Variants in MIDN observed in about 807,000 individuals in gnomAD.
MIDN encodes midbrain nucleolar protein.
MIDN carries 26 observed loss-of-function variants against 46.1 expected under a neutral mutation model. The ratio of observed to expected loss-of-function variants is 0.56; its 90% CI spans 0.41 to 0.78. The LOEUF (loss-of-function observed/expected upper bound fraction) is 0.78, where lower values mean the gene tolerates loss of function less well. Among genes scored for constraint, MIDN ranks in the 30% least tolerant of loss-of-function variants. The probability of loss-of-function intolerance (pLI) is 0.00; values close to 1 mark genes in which losing one functional copy is unlikely to be tolerated. For missense variants in MIDN, 850 were observed against 771.8 expected, an observed-to-expected ratio of 1.10 and a Z score of -1.20; for synonymous variants, 432 against 343.3, an observed-to-expected ratio of 1.26 and a Z score of -2.86.
Position 1,254,354 on chromosome 19 carries a change from C to T in MIDN, c.701C>T (p.Pro234Leu). The T allele has an allele frequency of 2.6e-6, 4 of 1,563,120 alleles. No individual in the cohort carries two copies. Among genetic ancestry groups the T allele is most frequent in the Non-Finnish European group, 3.4e-6 (4 of 1,161,356 alleles). Residue 234 changes from proline (P) to leucine (L), a missense_variant, in exon 6 of 9, where the codon CCC becomes CTC. Transcript: ENST00000682408. ...AGCATAGCCTCCCCCGTGTCCTCGC[C>T]CTGCCGGCCGGTGTCCAGTGCCGCC... ...DPSIASPVSS[P>L]CRPVSSAARV...
At position 1,253,423 on chromosome 19, in the gene MIDN, C is replaced by CA. The variant is rs989706389; in HGVS notation, c.385-531_385-530insA. On this transcript the variant is annotated intron_variant, in intron 4 of 8. Coordinates refer to ENST00000682408, the MANE Select transcript of MIDN (RefSeq NM_001388306.1). ...GTCACTTCTCAGAAACCTCCGCCACCCCCCCCCCCATCCCGGCCACTGGGG... is the reference window on the plus strand; with the variant it reads ...GTCACTTCTCAGAAACCTCCGCCACCACCCCCCCCCATCCCGGCCACTGGGG... Among the ~76,000 whole-genome samples, 5 of 36,248 alleles carry CA rather than the reference C, an allele frequency of 1.4e-4. No homozygotes were observed. In the African/African-American group the frequency reaches 1.5e-3, roughly 11 times the overall value. The allele number at this position is 36,248 out of a possible 152,430, so 23.8% of individuals were successfully genotyped here.
chr19:1,250,922 C>T (rs558557750), intron 2 of MIDN, among the ~76,000 whole-genome samples: 4 of 151,892 alleles, frequency 2.6e-5, no homozygotes, highest in Admixed American at 6.5e-5. Flanking sequence ...TCTCTCCCCC[C>T]CTTTGTTCTC....
rs1206258054 is a variant in MIDN, at chr19:1,251,895, G to A, written c.378G>A (p.Glu126=). The A allele has an allele frequency of 5.0e-6, 8 of 1,613,052 alleles. No individual in the cohort carries two copies. Among genetic ancestry groups the A allele is most frequent in the Admixed American group, 1.7e-5 (1 of 59,962 alleles). ...SVMQALESLT[E]TQPPAAPGPG... ...TGCAAGCTCTCGAGAGTCTCACGGA[G>A]ACGCAGGTAAGACCTCGCCAGCCCC... Residue 126 remains glutamate (E), a synonymous_variant, in exon 4 of 9, where the codon GAG becomes GAA. Transcript: ENST00000682408.
At chr19:1,252,032 G>C in intron 4 of MIDN, 131 bp downstream of exon 4, 1 of 749,664 alleles carries the variant, frequency 1.3e-6, no homozygotes, top group Non-Finnish European at 2.2e-6. Context: ...ACCCCGCCTG[G>C]GTGCCAGCCT....
chr19:1,257,314 A>G lies in MIDN; in HGVS notation c.*42A>G. On this transcript the variant is annotated 3_prime_UTR_variant, in exon 9 of 9. Coordinates refer to ENST00000682408, the MANE Select transcript of MIDN (RefSeq NM_001388306.1). ...ACCCTCGCCCCTCGCACCCCAGCCCAGGGCGGCGGGGACTCCGAGAGCCCC... is the reference window on the plus strand; with the variant it reads ...ACCCTCGCCCCTCGCACCCCAGCCCGGGGCGGCGGGGACTCCGAGAGCCCC... 4 of 1,574,570 alleles carry G rather than the reference A, an allele frequency of 2.5e-6. No individual in the cohort carries two copies. Among genetic ancestry groups the G allele is most frequent in the South Asian group, 1.1e-5 (1 of 89,704 alleles).
chr19:1,250,773 G>A (rs1189112344), intron 2 of MIDN, among the ~76,000 whole-genome samples: 1 of 151,780 alleles, frequency 6.6e-6, no homozygotes, highest in Non-Finnish European at 1.5e-5. Context: ...TTGGGGGCGG[G>A]CAGGAATCCC....
In MIDN at chr19:1,251,609, G is replaced by C. The variant is rs758491546; in HGVS notation, c.281G>C (p.Ser94Thr). 1.5e-5 allele frequency: 24 copies of C among 1,606,730 alleles called. No individual in the cohort carries two copies. The highest frequency in any genetic ancestry group is 1.9e-5 in the Non-Finnish European group (22 of 1,177,612). ...CAGGAGTTCGGCGTGGGTGATGGCA[G>C]CAAGCTGACCTTGGTACCCACCGTG... ...KLQEFGVGDG[S>T]KLTLVPTVEA... The change falls in exon 3 of 9, where the codon AGC becomes ACC. Residue 94 changes from serine to threonine, a missense_variant. By Grantham distance (58) the Ser-to-Thr change is moderately conservative. Transcript: ENST00000682408.
chr19:1,253,791 T>G, intron 4 of MIDN, 163 bp from the exon 5 acceptor site: 1 of 409,756 alleles, frequency 2.4e-6, no homozygotes, highest in Non-Finnish European at 3.9e-6. Flanking sequence ...GCAGAGAGGA[T>G]CTAGGGGCCC....
In MIDN at chr19:1,258,603, CGTT is replaced by C. The variant is rs1256806931; in HGVS notation, c.*1335_*1337del. 1.3e-5 allele frequency: 2 copies of C among 152,182 alleles called. No individual in the cohort carries two copies. The highest frequency in any genetic ancestry group is 6.6e-5 in the Admixed American group (1 of 15,256). 9.4% of individuals were successfully genotyped at this position (152,182 alleles called of 1,614,324 possible). On this transcript the variant is annotated 3_prime_UTR_variant, in exon 9 of 9. Coordinates refer to ENST00000682408, the MANE Select transcript of MIDN (RefSeq NM_001388306.1). ...TGTCCTGGCTCTGCCTGTCCCCCAC[CGTT>C]GTTCTCGTAGGTGAACCCCAGGTCC...
In MIDN at chr19:1,257,384, C is replaced by G; in HGVS notation, c.*112C>G. On this transcript the variant is annotated 3_prime_UTR_variant, in exon 9 of 9. Transcript: ENST00000682408. ...CCTGGAGGGCAGGCGGCCACTCCCCCAGCCAGAAGTCTTTTTTTCTTTTCT... is the reference window on the plus strand; with the variant it reads ...CCTGGAGGGCAGGCGGCCACTCCCCGAGCCAGAAGTCTTTTTTTCTTTTCT... 1.3e-6 allele frequency: 1 copy of G among 768,578 alleles called. No homozygotes were observed. Among genetic ancestry groups the G allele is most frequent in the South Asian group, 1.6e-5 (1 of 60,806 alleles). 47.6% of individuals were successfully genotyped at this position (768,578 alleles called of 1,614,324 possible).
chr19:1,257,280 G>A lies in MIDN; in HGVS notation c.*8G>A, dbSNP rs201601323. 3.3e-4 allele frequency: 538 copies of A among 1,610,598 alleles called. No homozygotes were observed. The highest frequency in any genetic ancestry group is 1.2e-3 in the African/African-American group (92 of 74,988). The stretch of plus-strand genomic sequence containing the variant: ...GAGTTCGTGGTGGCTTAGGATCTTC[G>A]GATCGGCCACCCTCGCCCCTCGCAC... On this transcript the variant is annotated 3_prime_UTR_variant, in exon 9 of 9. Coordinates refer to ENST00000682408, the MANE Select transcript of MIDN (RefSeq NM_001388306.1).
chr19:1,256,497 A>AAC (rs952505022), intron 8 of MIDN, among the ~76,000 whole-genome samples: 4 of 151,382 alleles, frequency 2.6e-5, no homozygotes, highest in African/African-American at 9.8e-5. Flanking sequence ...AAAAAAAAAA[A>AAC]AACCAAGGTA....
At position 1,254,009 on chromosome 19, in the gene MIDN, G is replaced by A. The variant is rs2081165900; in HGVS notation, c.440G>A (p.Arg147Lys). 4 of 1,411,708 alleles carry A rather than the reference G, an allele frequency of 2.8e-6. No individual in the cohort carries two copies. Among genetic ancestry groups the A allele is most frequent in the South Asian group, 3.0e-5 (2 of 67,132 alleles). The allele number at this position is 1,411,708 out of a possible 1,614,324, so 87.4% of individuals were successfully genotyped here. Residue 147 changes from arginine to lysine, a missense_variant, in exon 5 of 9, where the codon AGA becomes AAA. Transcript: ENST00000682408. ...GGCGGAGGAGGCTTCCGGAAATACAGATTCATTTTATTTAAGCGTCCGTGG... is the reference window on the plus strand; with the variant it reads ...GGCGGAGGAGGCTTCCGGAAATACAAATTCATTTTATTTAAGCGTCCGTGG... ...RAGGGGFRKY[R>K]FILFKRPWHR...
rs2081206236 is a variant in MIDN at position 1,256,980 on chromosome 19, C to T, written c.1259-15C>T. On this transcript the variant is annotated splice_polypyrimidine_tract_variant and intron_variant, in intron 8 of 8. Coordinates refer to ENST00000682408, the MANE Select transcript of MIDN (RefSeq NM_001388306.1). ...TGGAGGCTTTGGGAGTCACAGGCCA[C>T]TACCTCCTTTGCAGGGGACCGGCTT... The T allele has an allele frequency of 1.0e-5, 16 of 1,606,320 alleles. No homozygotes were observed. Among genetic ancestry groups the T allele is most frequent in the Non-Finnish European group, 1.3e-5 (15 of 1,179,760 alleles).
chr19:1,252,055 C>T (rs1289196455), intron 4 of MIDN, among the ~76,000 whole-genome samples, 154 bp downstream of exon 4: 2 of 152,088 alleles, frequency 1.3e-5, no homozygotes, highest in Admixed American at 1.3e-4. Context: ...CCTGGCCTCC[C>T]CACCTCCTCT....
At position 1,257,470 on chromosome 19, in the gene MIDN, A is replaced by C; in HGVS notation, c.*198A>C. 1.8e-6 allele frequency: 1 copy of C among 544,608 alleles called. No individual in the cohort carries two copies. Among genetic ancestry groups the C allele is most frequent in the Non-Finnish European group, 3.2e-6 (1 of 310,268 alleles). 33.7% of individuals were successfully genotyped at this position (544,608 alleles called of 1,614,324 possible). On this transcript the variant is annotated 3_prime_UTR_variant, in exon 9 of 9. Transcript: ENST00000682408. ...CTGACCGTGGTTTCCTGGACTCTTC[A>C]TGGGCTTTGCTTCCTACCTCCTTCA... is the stretch of plus-strand genomic sequence containing the variant.
In MIDN at chr19:1,258,944, G is replaced by T. The variant is rs957316403; in HGVS notation, c.*1672G>T. On this transcript the variant is annotated 3_prime_UTR_variant, in exon 9 of 9. Coordinates refer to ENST00000682408, the MANE Select transcript of MIDN (RefSeq NM_001388306.1). ...TCTGTGCCTCCACTGGTTGAGGGTG[G>T]AACCTCCAGGCAGGAACCGGCTCGC... 3.9e-5 allele frequency: 6 copies of T among 152,052 alleles called. No homozygotes were observed. Among genetic ancestry groups the T allele is most frequent in the Admixed American group, 3.3e-4 (5 of 15,276 alleles). The allele number at this position is 152,052 out of a possible 1,614,324, so 9.4% of individuals were successfully genotyped here. A position where few individuals can be genotyped will look rare whatever the true frequency, so the allele number is the denominator to read the frequency against.
rs532362042 is a variant in MIDN at position 1,251,531 on chromosome 19, G to T, written c.234-31G>T. On this transcript the variant is annotated intron_variant, in intron 2 of 8. Transcript: ENST00000682408. The stretch of plus-strand genomic sequence containing the variant: ...TTCCGCGTCCCTGTGTCGTCTCCGC[G>T]GAGTCTCATGCTCTTCCTTCCTCCC... 5 of 1,599,970 alleles carry T rather than the reference G, an allele frequency of 3.1e-6. No homozygotes were observed. The Admixed American group carries it at 5.2e-5, about 17-fold the overall frequency.
intron 2 of MIDN, 88 bp from the exon 3 acceptor site, chr19:1,251,474 A>T: frequency 8.2e-7 from 1 of 1,224,814 alleles, no homozygotes; most frequent in Non-Finnish European, 1.1e-6. Context: ...GTCTCTCCCC[A>T]CACAAGCACA....
Sources: gnomAD v4.1 joint callset for allele counts (sites outside exome capture counted in the v4.1 genomes callset) on GRCh38, gnomAD v4.1.1 for gene constraint, MANE v1.5 for transcripts, NCBI Gene and HGNC (gene_info 2026-07-23, HGNC 2026-07-21) for gene names.